The following SSBP2 variants were observed in gnomAD, a reference collection of about 807,000 sequenced individuals.
SSBP2 encodes the protein single-stranded DNA-binding protein 2.
A neutral mutation model predicts 61.8 loss-of-function variants in SSBP2; 17 were observed. That is an observed-to-expected ratio of 0.28 (90% confidence interval 0.19 to 0.41). The LOEUF is 0.41. Ranked by LOEUF, SSBP2 falls within the 10% of genes least tolerant of loss-of-function variation. The pLI, the probability that SSBP2 is intolerant of heterozygous loss-of-function variation, is 1.00. For synonymous variants in SSBP2, 139 were observed against 141.3 expected (o/e 0.98, Z 0.12); for missense variants, 310 against 458.7 (o/e 0.68, Z 2.96).
chr5:81,484,743 T>G lies in SSBP2; in HGVS notation c.432+4507A>C, dbSNP rs1766257544. On this transcript the variant is annotated intron_variant, in intron 6 of 16. Transcript: ENST00000320672. Reference sequence around the variant, plus strand: ...TGATTTTTAATATGTACATACTATTTCATCATTTCAATATACCATAATTTA... The same window carrying G: ...TGATTTTTAATATGTACATACTATTGCATCATTTCAATATACCATAATTTA... Among the ~76,000 whole-genome samples the G allele has an allele frequency of 3.3e-5, 5 of 152,250 alleles. No individual in the cohort carries two copies. In the South Asian group the frequency reaches 1.0e-3, roughly 32 times the overall value.
intron 4 of SSBP2, among the ~76,000 whole-genome samples, chr5:81,575,237 C>A (rs1053190387): frequency 4.6e-5 from 7 of 152,150 alleles, no homozygotes; most frequent in Admixed American, 2.6e-4. Flanking sequence ...TACTGCACTC[C>A]AGCCTGGGTG....
chr5:81,589,073 C>T (rs1282425263), intron 4 of SSBP2, among the ~76,000 whole-genome samples: 1 of 151,988 alleles, frequency 6.6e-6, no homozygotes, highest in Admixed American at 6.6e-5. Context: ...CAAAAACAAA[C>T]AAACAAAAAA....
intron 6 of SSBP2, among the ~76,000 whole-genome samples, chr5:81,484,436 C>A (rs1388352426): frequency 6.6e-6 from 1 of 151,934 alleles, no homozygotes; most frequent in Non-Finnish European, 1.5e-5. Flanking sequence ...TGTTAATTTT[C>A]CCTATAAAGG....
intron 15 of SSBP2, among the ~76,000 whole-genome samples, chr5:81,431,710 G>A (rs1240024810): frequency 6.6e-6 from 1 of 151,898 alleles, no homozygotes; most frequent in Non-Finnish European, 1.5e-5. Flanking sequence ...AAAGCCTCCT[G>A]GGTAGCTAGG....
At chr5:81,580,182 A>G (rs79453267) in intron 4 of SSBP2, among the ~76,000 whole-genome samples, 1,823 of 152,202 alleles carry the variant, frequency 0.012, 35 homozygotes, top group African/African-American at 0.042. Flanking sequence ...ATTTCTATTA[A>G]TTTATGGACT....
At chr5:81,670,088 T>C (rs1477468216) in intron 1 of SSBP2, among the ~76,000 whole-genome samples, 3 of 152,144 alleles carry the variant, frequency 2.0e-5, no homozygotes, top group Non-Finnish European at 4.4e-5. Flanking sequence ...CAATGGTAAA[T>C]ACATGCCATC....
chr5:81,638,645 C>T (rs989686956), intron 2 of SSBP2, among the ~76,000 whole-genome samples: 8 of 151,802 alleles, frequency 5.3e-5, no homozygotes, highest in African/African-American at 1.9e-4. Context: ...TCATCATTGT[C>T]ACCAGCACCC....
intron 4 of SSBP2, among the ~76,000 whole-genome samples, chr5:81,585,056 A>T (rs1774958556): frequency 6.6e-6 from 1 of 152,108 alleles, no homozygotes; most frequent in South Asian, 2.1e-4. Context: ...CTATACTATA[A>T]ATAGTTCTAG....
intron 2 of SSBP2, among the ~76,000 whole-genome samples, chr5:81,638,584 A>AT (rs533713051): frequency 7.4e-5 from 11 of 148,652 alleles, no homozygotes; most frequent in South Asian, 4.3e-4. Flanking sequence ...AGGTGCTATT[A>AT]TTTTTTTTTT....
Position 81,489,281 on chromosome 5 carries a change from C to T in SSBP2, c.401G>A (p.Gly134Asp). 6.2e-7 allele frequency: 1 copy of T among 1,608,182 alleles called. No homozygotes were observed. The highest frequency in any genetic ancestry group is 8.5e-7 in the Non-Finnish European group (1 of 1,178,256). Residue 134 changes from glycine (G) to aspartate (D), a missense_variant, in exon 6 of 17, where the codon GGT (glycine) becomes GAT (aspartate). This residue lies in a region of SSBP2 where 209 missense variants were observed against 286.4 expected (regional missense o/e 0.73). Coordinates refer to ENST00000320672, the MANE Select transcript of SSBP2 (RefSeq NM_012446.5). ...AGGTATCCTCAATGGGGGCCTTGGA[C>T]CTCCAGGGTACCGAGGTGACATAAA...
At chr5:81,630,099 C>T (rs757497897) in intron 3 of SSBP2, among the ~76,000 whole-genome samples, 26 of 152,130 alleles carry the variant, frequency 1.7e-4, no homozygotes, top group Non-Finnish European at 3.8e-4. Context: ...ATAAAATTAA[C>T]AACTGGTCCA....
At position 81,418,772 on chromosome 5, in the gene SSBP2, G is replaced by A. The variant is rs1761432406; in HGVS notation, c.*1732C>T. 1 of 152,128 alleles carries A rather than the reference G, an allele frequency of 6.6e-6. No individual in the cohort carries two copies. The highest frequency in any genetic ancestry group is 1.5e-5 in the Non-Finnish European group (1 of 68,028). The allele number at this position is 152,128 out of a possible 1,614,324, so 9.4% of individuals were successfully genotyped here. A position where few individuals can be genotyped will look rare whatever the true frequency, so the allele number is the denominator to read the frequency against. ...CATAGAAAAGATATGCTAAAAATAT[G>A]GTATTATAATCTTATAGGACCACTG... is the stretch of plus-strand genomic sequence containing the variant. On this transcript the variant is annotated 3_prime_UTR_variant, in exon 17 of 17. Coordinates refer to ENST00000320672, the MANE Select transcript of SSBP2 (RefSeq NM_012446.5).
chr5:81,600,561 CA>C (rs35204869), intron 4 of SSBP2, among the ~76,000 whole-genome samples: 24,163 of 87,282 alleles, frequency 0.28, 1,202 homozygotes, highest in African/African-American at 0.37. Context: ...GACTCTGTCT[CA>C]AAAAAAAAAA....
intron 1 of SSBP2, among the ~76,000 whole-genome samples, chr5:81,662,937 A>G (rs1318171546): frequency 1.3e-5 from 2 of 152,240 alleles, no homozygotes; most frequent in Non-Finnish European, 2.9e-5. Flanking sequence ...CAGATGAACT[A>G]TTTAACTAAT....
chr5:81,448,983 C>T (rs556303376), intron 10 of SSBP2, among the ~76,000 whole-genome samples, 158 bp from the exon 11 acceptor site: 196 of 152,200 alleles, frequency 1.3e-3, no homozygotes, highest in African/African-American at 4.6e-3. Context: ...TACTGGAAAA[C>T]TGAATAATAA....
intron 2 of SSBP2, among the ~76,000 whole-genome samples, chr5:81,642,369 C>T (rs772805314): frequency 6.6e-6 from 1 of 152,196 alleles, no homozygotes; most frequent in Admixed American, 6.5e-5. Context: ...GTCATTTGAC[C>T]AGCCAGGGGC....
intron 11 of SSBP2, among the ~76,000 whole-genome samples, chr5:81,448,584 A>C (rs1259392857): frequency 4.6e-5 from 7 of 152,182 alleles, no homozygotes; most frequent in Non-Finnish European, 4.4e-5. Context: ...AGTAAAACAC[A>C]GTACTCAGGG....
chr5:81,688,220 A>G (rs993533996), intron 1 of SSBP2, among the ~76,000 whole-genome samples: 10 of 152,150 alleles, frequency 6.6e-5, no homozygotes, highest in African/African-American at 2.2e-4. Context: ...ACTGAGAAGG[A>G]CTTTGTCTTA....
intron 1 of SSBP2, among the ~76,000 whole-genome samples, chr5:81,697,896 T>G (rs1753702992): frequency 6.6e-6 from 1 of 152,214 alleles, no homozygotes; most frequent in Non-Finnish European, 1.5e-5. Context: ...ATTGACATTA[T>G]GAAAATATAA....
Sources: allele counts gnomAD v4.1 joint callset (sites outside exome capture counted in the v4.1 genomes callset), GRCh38; gene constraint gnomAD v4.1.1; regional missense constraint gnomAD v4.1.1; transcripts MANE v1.5; gene names NCBI Gene and HGNC (gene_info 2026-07-23, HGNC 2026-07-21).